The following ZBTB38 variants were observed in gnomAD, a reference collection of about 807,000 sequenced individuals.
The protein encoded by ZBTB38 is zinc finger and BTB domain containing 38.
Under a neutral mutation model 76.8 loss-of-function variants are expected in ZBTB38, and 20 were observed. That is an observed-to-expected ratio of 0.26 (90% CI 0.18 to 0.38). The LOEUF (loss-of-function observed/expected upper bound fraction) is 0.38. Among genes scored for constraint, ZBTB38 ranks in the 10% least tolerant of loss-of-function variants. ZBTB38 has a pLI of 1.00. For synonymous variants in ZBTB38, 504 were observed against 544.2 expected (o/e 0.93, Z 1.03); for missense variants, 1,082 against 1,482.3 (o/e 0.73, Z 4.43).
intron 2 of ZBTB38, among the ~76,000 whole-genome samples, chr3:141,372,049 C>T (rs1944688881): frequency 6.6e-6 from 1 of 152,160 alleles, no homozygotes. Context: ...CTTTCTGGCA[C>T]CCACATCCAC....
At chr3:141,380,820 A>T (rs896291849) in intron 2 of ZBTB38, among the ~76,000 whole-genome samples, 1 of 152,190 alleles carries the variant, frequency 6.6e-6, no homozygotes, top group East Asian at 1.9e-4. Flanking sequence ...AATGTCATGT[A>T]TCTGAGAGAA....
At chr3:141,326,900 G>C (rs1942690902) in intron 1 of ZBTB38, among the ~76,000 whole-genome samples, 1 of 152,184 alleles carries the variant, frequency 6.6e-6, no homozygotes, top group Non-Finnish European at 1.5e-5. Context: ...AAAGGGTGAG[G>C]CTTTGCCAGA....
intron 5 of ZBTB38, chr3:141,432,114 C>T (rs2077749986): frequency 1.0e-6 from 1 of 985,356 alleles, no homozygotes; most frequent in South Asian, 4.7e-5. Flanking sequence ...AGCCAGCTCA[C>T]TGAAGCAAAA....
intron 5 of ZBTB38, among the ~76,000 whole-genome samples, chr3:141,409,553 G>A (rs1271110391): frequency 1.3e-5 from 2 of 152,192 alleles, no homozygotes. Context: ...CAGAGATAAT[G>A]TGCAAACTTG....
At chr3:141,388,370 A>T (rs1019133179) in intron 4 of ZBTB38, 1 of 152,184 alleles carries the variant, frequency 6.6e-6, no homozygotes, top group African/African-American at 2.4e-5. Flanking sequence ...AATATACAAG[A>T]ATACATTATA....
At chr3:141,330,387 C>T (rs1942812311) in intron 1 of ZBTB38, among the ~76,000 whole-genome samples, 1 of 152,212 alleles carries the variant, frequency 6.6e-6, no homozygotes, top group Admixed American at 6.5e-5. Context: ...TCCATTGCAA[C>T]CCACTCACCA....
chr3:141,357,615 C>T (rs1047942690), intron 1 of ZBTB38, among the ~76,000 whole-genome samples: 12 of 152,076 alleles, frequency 7.9e-5, no homozygotes, highest in African/African-American at 2.7e-4. Context: ...CTGCAAGTTC[C>T]GGCTCCGGGG....
rs61732449 is a variant in ZBTB38, at chr3:141,445,098, G to A, written c.2710G>A (p.Asp904Asn). The change falls in exon 6 of 6, where the codon GAT becomes AAT. Residue 904 changes from aspartate (D) to asparagine (N), a missense_variant. Asp to Asn is a conservative substitution (Grantham distance 23). Around this residue, in one of 8 missense-constraint regions of ZBTB38, gnomAD observed 471 missense variants for 581.0 expected, o/e 0.81. Transcript: ENST00000321464. The surrounding 1 kb of genome is among the most constrained non-coding windows in gnomAD (Gnocchi z 6.5). ...GTGCATGGAGATGAGTGAAGTGTTC[G>A]ATGACGCAAGTGACCAGGATTCCAC... ...SECMEMSEVFDDASDQDSTDK... is the reference protein window; with the variant it reads ...SECMEMSEVFNDASDQDSTDK... 4.8e-5 allele frequency: 77 copies of A among 1,614,034 alleles called. No individual in the cohort carries two copies. Among genetic ancestry groups the A allele is most frequent in the South Asian group, 1.1e-5 (1 of 91,080 alleles).
At chr3:141,426,898 CTT>C (rs1418541831) in intron 5 of ZBTB38, among the ~76,000 whole-genome samples, 1 of 152,130 alleles carries the variant, frequency 6.6e-6, no homozygotes, top group Non-Finnish European at 1.5e-5. Flanking sequence ...GCTGTAATAG[CTT>C]TGTGGGCAGT....
In ZBTB38 at chr3:141,444,063, A is replaced by G. The variant is rs548551651; in HGVS notation, c.1675A>G (p.Ser559Gly). 1.2e-6 allele frequency: 2 copies of G among 1,614,196 alleles called. No individual in the cohort carries two copies. Among genetic ancestry groups the G allele is most frequent in the South Asian group, 1.1e-5 (1 of 91,080 alleles). Residue 559 changes from serine to glycine, a missense_variant, in exon 6 of 6, where the codon AGT (serine) becomes GGT (glycine). This residue lies in a region of ZBTB38 where 471 missense variants were observed against 581.0 expected (regional missense o/e 0.81). Transcript: ENST00000321464. The surrounding 1 kb of genome is among the most constrained non-coding windows in gnomAD (Gnocchi z 5.1). Reference sequence around the variant, plus strand: ...AACAGCAAATGGAGGCTTGAAGCCTAGTGTCTATCCGTATAAACTTTATAG... The same window carrying G: ...AACAGCAAATGGAGGCTTGAAGCCTGGTGTCTATCCGTATAAACTTTATAG... ...KKTANGGLKPSVYPYKLYRLL... is the reference protein window; with the variant it reads ...KKTANGGLKPGVYPYKLYRLL...
At chr3:141,432,221 G>A in intron 5 of ZBTB38, 2 of 985,464 alleles carry the variant, frequency 2.0e-6, no homozygotes, top group Non-Finnish European at 2.4e-6. Flanking sequence ...TGGACTGCAG[G>A]TTTGACTTTT....
At position 141,444,674 on chromosome 3, in the gene ZBTB38, T is replaced by A. The variant is rs759642332; in HGVS notation, c.2286T>A (p.Asp762Glu). Residue 762 changes from aspartate (D) to glutamate (E), a missense_variant, in exon 6 of 6, where the codon GAT (aspartate) becomes GAA (glutamate). By Grantham distance (45) the Asp-to-Glu change is conservative. This residue lies in a region of ZBTB38 where 471 missense variants were observed against 581.0 expected (regional missense o/e 0.81). Transcript: ENST00000321464. The surrounding 1 kb of genome is among the most constrained non-coding windows in gnomAD (Gnocchi z 5.1). ...SLKDDSKPEPDKVGRFASRPK... is the reference protein window; with the variant it reads ...SLKDDSKPEPEKVGRFASRPK... The stretch of plus-strand genomic sequence containing the variant: ...AAGATGACAGTAAGCCCGAGCCAGA[T>A]AAAGTGGGTAGGTTTGCAAGCAGAC... 6 of 1,613,694 alleles carry A rather than the reference T, an allele frequency of 3.7e-6. No individual in the cohort carries two copies. The South Asian group carries it at 5.5e-5, about 15-fold the overall frequency.
At chr3:141,420,821 G>C (rs2075185540) in intron 5 of ZBTB38, among the ~76,000 whole-genome samples, 2 of 152,128 alleles carry the variant, frequency 1.3e-5, no homozygotes, top group African/African-American at 4.8e-5. Flanking sequence ...TAAGTGATCA[G>C]TAGATGTATT....
intron 4 of ZBTB38, among the ~76,000 whole-genome samples, chr3:141,391,614 C>A (rs868288282): frequency 7.2e-5 from 11 of 152,322 alleles, no homozygotes; most frequent in Admixed American, 3.9e-4. Flanking sequence ...GGCACAGATT[C>A]AGTGTCAACC....
chr3:141,431,965 A>G (rs2077709853), intron 5 of ZBTB38: 3 of 454,636 alleles, frequency 6.6e-6, no homozygotes, highest in South Asian at 9.3e-5. Flanking sequence ...GCTCAACTCC[A>G]TAAAGGACTT....
intron 5 of ZBTB38, among the ~76,000 whole-genome samples, chr3:141,422,853 CTATT>C (rs2075690765): frequency 6.6e-6 from 1 of 152,154 alleles, no homozygotes; most frequent in African/African-American, 2.4e-5. Flanking sequence ...ATGCATGTAT[CTATT>C]CTTTCAAAGT....
At chr3:141,428,000 C>G (rs2076723547) in intron 5 of ZBTB38, among the ~76,000 whole-genome samples, 1 of 152,230 alleles carries the variant, frequency 6.6e-6, no homozygotes, top group African/African-American at 2.4e-5. Context: ...CTGTTGTACA[C>G]CTGGCCAGCC....
At chr3:141,427,844 G>A (rs9846230) in intron 5 of ZBTB38, 1,826 of 152,556 alleles carry the variant, frequency 0.012, 12 homozygotes, top group South Asian at 0.021. Context: ...CCTTGTGGTG[G>A]GGGAGGGGAG....
intron 5 of ZBTB38, among the ~76,000 whole-genome samples, chr3:141,424,768 C>G (rs1161709454): frequency 1.3e-5 from 2 of 152,140 alleles, no homozygotes; most frequent in Non-Finnish European, 2.9e-5. Flanking sequence ...CTGGGGAACT[C>G]TGGACACACA....
Sources: gnomAD v4.1 joint callset for allele counts (sites outside exome capture counted in the v4.1 genomes callset) on GRCh38, gnomAD v4.1.1 for gene constraint, gnomAD v4.1.1 regional missense constraint, Gnocchi (gnomAD v3.1) non-coding constraint, MANE v1.5 for transcripts, NCBI Gene and HGNC (gene_info 2026-07-23, HGNC 2026-07-21) for gene names.